The following NALF1 variants were observed in gnomAD, a reference collection of about 807,000 sequenced individuals.
NALF1 encodes the protein NALCN channel auxiliary factor 1.
In NALF1, 3 loss-of-function variants were observed where a neutral mutation model predicts 48.4. The observed-to-expected ratio is 0.06, with a 90% CI of 0.03 to 0.16. The LOEUF (loss-of-function observed/expected upper bound fraction) is 0.16, where lower values mean the gene tolerates loss of function less well. Ranked by LOEUF, NALF1 falls within the 10% of genes least tolerant of loss-of-function variation. The pLI, the probability that NALF1 is intolerant of heterozygous loss-of-function variation, is 1.00. For missense variants in NALF1, 526 were observed against 571.5 expected (o/e 0.92, Z 0.81); for synonymous variants, 262 against 245.7 (o/e 1.07, Z -0.62).
chr13:107,326,558 G>A (rs962770449), intron 1 of NALF1, among the ~76,000 whole-genome samples: 2 of 152,184 alleles, frequency 1.3e-5, no homozygotes, highest in Non-Finnish European at 2.9e-5. Flanking sequence ...CACATAGCCA[G>A]TAGATTAGTC....
chr13:107,473,049 T>C (rs1885125534), intron 1 of NALF1, among the ~76,000 whole-genome samples: 1 of 152,232 alleles, frequency 6.6e-6, no homozygotes, highest in Admixed American at 6.5e-5. Flanking sequence ...TCCTTTCCTC[T>C]TGAATGAGCA....
chr13:107,719,746 C>T (rs1875928860), intron 1 of NALF1, among the ~76,000 whole-genome samples: 1 of 152,098 alleles, frequency 6.6e-6, no homozygotes, highest in African/African-American at 2.4e-5. Flanking sequence ...TCATATTCTA[C>T]TCTTTTCCTT....
intron 1 of NALF1, among the ~76,000 whole-genome samples, chr13:107,681,119 T>A (rs1881290692): frequency 6.6e-6 from 1 of 152,124 alleles, no homozygotes; most frequent in Non-Finnish European, 1.5e-5. Flanking sequence ...CCCCTACTGG[T>A]GCATGACCCT....
At chr13:107,282,067 C>T (rs1881399209) in intron 1 of NALF1, among the ~76,000 whole-genome samples, 1 of 152,176 alleles carries the variant, frequency 6.6e-6, no homozygotes, top group Non-Finnish European at 1.5e-5. Flanking sequence ...GTGTTGACCA[C>T]TGAGCTGGTG....
At chr13:107,358,165 CATATGTGT>C (rs1264541881) in intron 1 of NALF1, among the ~76,000 whole-genome samples, 7 of 112,936 alleles carry the variant, frequency 6.2e-5, no homozygotes, top group African/African-American at 2.0e-4. Flanking sequence ...ATATACGTAA[CATATGTGT>C]GTGTGTGTGT....
At chr13:107,369,875 T>C (rs1883219137) in intron 1 of NALF1, among the ~76,000 whole-genome samples, 1 of 152,194 alleles carries the variant, frequency 6.6e-6, no homozygotes, top group Non-Finnish European at 1.5e-5. Context: ...TGTAAGATGA[T>C]AGTAATTGGG....
chr13:107,676,623 A>T (rs1935136), intron 1 of NALF1, among the ~76,000 whole-genome samples: 37,881 of 151,624 alleles, frequency 0.25, 5,268 homozygotes, highest in Non-Finnish European at 0.31. Flanking sequence ...TTAATTAATT[A>T]AATTAAATTG....
intron 1 of NALF1, among the ~76,000 whole-genome samples, chr13:107,435,035 T>C (rs1884441571): frequency 6.6e-6 from 1 of 152,148 alleles, no homozygotes; most frequent in Non-Finnish European, 1.5e-5. Context: ...GTTTAAAAGA[T>C]GCTTGTTGCC....
chr13:107,604,096 A>C (rs1879002852), intron 1 of NALF1, among the ~76,000 whole-genome samples: 1 of 152,202 alleles, frequency 6.6e-6, no homozygotes, highest in Non-Finnish European at 1.5e-5. Context: ...CCATCAAAAA[A>C]AGCATTCGAG....
At chr13:107,731,838 A>G (rs1876318806) in intron 1 of NALF1, among the ~76,000 whole-genome samples, 1 of 152,158 alleles carries the variant, frequency 6.6e-6, no homozygotes, top group Non-Finnish European at 1.5e-5. Flanking sequence ...TGTCTTTGCT[A>G]TTGGATAATC....
At chr13:107,356,636 C>A (rs1882968269) in intron 1 of NALF1, among the ~76,000 whole-genome samples, 1 of 152,172 alleles carries the variant, frequency 6.6e-6, no homozygotes, top group African/African-American at 2.4e-5. Flanking sequence ...ATATTAAATA[C>A]ACAGATCATG....
rs928433889 is a variant in NALF1 at position 107,317,340 on chromosome 13, G to C, written c.916-106585C>G. ...CTATCATTAAAGCATATCTGTACTG[G>C]GGTGCCAATCACCGATTTTTAACAA... On this transcript the variant is annotated intron_variant, in intron 1 of 2. Coordinates refer to ENST00000375915, the MANE Select transcript of NALF1 (RefSeq NM_001080396.3). 3.9e-5 allele frequency among the ~76,000 whole-genome samples: 6 copies of C among 151,948 alleles called. 1 individual carries two copies. The highest frequency in any genetic ancestry group is 4.4e-5 in the Non-Finnish European group (3 of 67,934).
intron 1 of NALF1, among the ~76,000 whole-genome samples, chr13:107,674,859 G>A (rs1289260200): frequency 6.6e-6 from 1 of 152,134 alleles, no homozygotes; most frequent in Non-Finnish European, 1.5e-5. Context: ...TTGCCGAAAT[G>A]TTTCTTTTTT....
intron 1 of NALF1, among the ~76,000 whole-genome samples, chr13:107,609,629 A>G (rs2138431080): frequency 6.6e-6 from 1 of 152,162 alleles, no homozygotes; most frequent in Middle Eastern, 3.4e-3. Context: ...TCCGCAAGTG[A>G]CAGACGTGTT....
intron 1 of NALF1, among the ~76,000 whole-genome samples, chr13:107,655,831 A>C (rs573512257): frequency 1.3e-5 from 2 of 152,320 alleles, no homozygotes; most frequent in Non-Finnish European, 2.9e-5. Context: ...AATGGAACAG[A>C]ATAGAGAACC....
At chr13:107,798,269 G>A (rs1245909660) in intron 1 of NALF1, among the ~76,000 whole-genome samples, 1 of 151,930 alleles carries the variant, frequency 6.6e-6, no homozygotes, top group African/African-American at 2.4e-5. Flanking sequence ...CTTTTCAGAG[G>A]GCACAATTAG....
At chr13:107,351,310 C>G (rs1020476076) in intron 1 of NALF1, among the ~76,000 whole-genome samples, 3 of 151,992 alleles carry the variant, frequency 2.0e-5, no homozygotes. Context: ...GTTGCAGATA[C>G]CAAGATGAAA....
chr13:107,658,422 T>A (rs1880640414), intron 1 of NALF1, among the ~76,000 whole-genome samples: 1 of 152,044 alleles, frequency 6.6e-6, no homozygotes, highest in Admixed American at 6.6e-5. Flanking sequence ...TCCTTAATAA[T>A]ATCTACAATT....
chr13:107,379,940 C>T (rs185193956), intron 1 of NALF1, among the ~76,000 whole-genome samples: 18 of 152,254 alleles, frequency 1.2e-4, no homozygotes, highest in Non-Finnish European at 2.2e-4. Flanking sequence ...CCAGACATGT[C>T]GAGACACAGT....
Sources: gnomAD v4.1 joint callset for allele counts (sites outside exome capture counted in the v4.1 genomes callset) on GRCh38, gnomAD v4.1.1 for gene constraint, MANE v1.5 for transcripts, NCBI Gene and HGNC (gene_info 2026-07-23, HGNC 2026-07-21) for gene names.